AKAP19: variants seen among roughly 807,000 people sequenced by gnomAD.
AKAP19 encodes the protein A-kinase anchoring protein 19.
At chr2:190,003,960 C>G in the AKAP19 span, among the ~76,000 whole-genome samples, 1 of 152,020 alleles carries the variant, frequency 6.6e-6, no homozygotes, top group Non-Finnish European at 1.5e-5. Flanking sequence ...ATTCTTTCCC[C>G]AAATCTCTTT....
At chr2:190,195,227 G>A in the AKAP19 span, among the ~76,000 whole-genome samples, 7 of 152,150 alleles carry the variant, frequency 4.6e-5, no homozygotes, top group Non-Finnish European at 8.8e-5. Context: ...CATTCACCAA[G>A]AAGGACATCT....
the AKAP19 span, among the ~76,000 whole-genome samples, chr2:189,971,225 C>T: frequency 2.1e-3 from 321 of 152,180 alleles, 1 homozygote; most frequent in South Asian, 1.0e-2. Flanking sequence ...TGAGTGAGAA[C>T]ATGTGGTGTT....
the AKAP19 span, among the ~76,000 whole-genome samples, chr2:190,091,134 T>C: frequency 1.3e-5 from 2 of 152,230 alleles, no homozygotes; most frequent in South Asian, 2.1e-4. Flanking sequence ...GTTGACACTT[T>C]GCTTCATATT....
At chr2:189,997,264 A>G in the AKAP19 span, among the ~76,000 whole-genome samples, 1 of 152,306 alleles carries the variant, frequency 6.6e-6, no homozygotes, top group African/African-American at 2.4e-5. Context: ...CTGCAATATT[A>G]GAAGGGGAAT....
chr2:190,020,997 G>T, the AKAP19 span, among the ~76,000 whole-genome samples: 5 of 151,982 alleles, frequency 3.3e-5, no homozygotes, highest in Non-Finnish European at 5.9e-5. Flanking sequence ...TCCTTTATAG[G>T]ATGAATAATA....
the AKAP19 span, among the ~76,000 whole-genome samples, chr2:190,135,443 TG>T: frequency 6.6e-6 from 1 of 152,238 alleles, no homozygotes; most frequent in Admixed American, 6.5e-5. Context: ...TGAAAAACTC[TG>T]CTTTATGCAA....
the AKAP19 span, among the ~76,000 whole-genome samples, chr2:189,907,791 A>G: frequency 6.6e-6 from 1 of 152,118 alleles, no homozygotes; most frequent in African/African-American, 2.4e-5. Context: ...ACTTTAATAC[A>G]TTACAGTTAT....
the AKAP19 span, among the ~76,000 whole-genome samples, chr2:190,194,192 T>C: frequency 2.0e-5 from 3 of 152,190 alleles, no homozygotes; most frequent in African/African-American, 7.2e-5. Context: ...ATGTTCCATA[T>C]GCACTTGATA....
the AKAP19 span, among the ~76,000 whole-genome samples, chr2:190,114,147 A>G: frequency 3.3e-3 from 499 of 152,302 alleles, 5 homozygotes; most frequent in African/African-American, 0.011. Context: ...ACTGGTTCTT[A>G]TCATACTTTG....
At chr2:190,187,947 T>C in the AKAP19 span, among the ~76,000 whole-genome samples, 27 of 152,282 alleles carry the variant, frequency 1.8e-4, 1 homozygote, top group East Asian at 5.2e-3. Flanking sequence ...TTCCTGAGGA[T>C]AGTGTCAGGG....
the AKAP19 span, chr2:189,930,551 C>T: frequency 8.8e-6 from 2 of 227,982 alleles, no homozygotes; most frequent in East Asian, 1.3e-4. Context: ...TGGCGCGCCC[C>T]TGTAGTCCCA....
chr2:189,959,179 A>G, the AKAP19 span, among the ~76,000 whole-genome samples: 25 of 152,066 alleles, frequency 1.6e-4, no homozygotes. Context: ...AATAAAAATT[A>G]TAAAAATAAT....
the AKAP19 span, among the ~76,000 whole-genome samples, chr2:190,007,732 G>A: frequency 6.6e-6 from 1 of 152,166 alleles, no homozygotes; most frequent in Non-Finnish European, 1.5e-5. Flanking sequence ...AGGCTGAGGT[G>A]GGTGGATTGC....
the AKAP19 span, among the ~76,000 whole-genome samples, chr2:190,133,603 C>A: frequency 6.6e-6 from 1 of 152,056 alleles, no homozygotes; most frequent in Non-Finnish European, 1.5e-5. Context: ...TCACAATAAC[C>A]AAGATATGGA....
At chr2:190,072,271 G>A in the AKAP19 span, among the ~76,000 whole-genome samples, 203 of 152,234 alleles carry the variant, frequency 1.3e-3, 1 homozygote, top group African/African-American at 4.7e-3. Context: ...GAGGAAGCTA[G>A]GGGAAGGGAA....
the AKAP19 span, among the ~76,000 whole-genome samples, chr2:190,018,371 T>A: frequency 6.6e-6 from 1 of 152,176 alleles, no homozygotes; most frequent in African/African-American, 2.4e-5. Flanking sequence ...ATAGATGATT[T>A]ACAGTGTTCT....
At chr2:190,135,110 G>T in the AKAP19 span, among the ~76,000 whole-genome samples, 5 of 152,074 alleles carry the variant, frequency 3.3e-5, no homozygotes, top group African/African-American at 4.8e-5. Context: ...ATTACTAAAA[G>T]GTGAATTTGT....
At chr2:190,048,682 G>A in the AKAP19 span, among the ~76,000 whole-genome samples, 2 of 152,194 alleles carry the variant, frequency 1.3e-5, no homozygotes. Flanking sequence ...TAAGGCTGCA[G>A]TTCTCAACCC....
the AKAP19 span, among the ~76,000 whole-genome samples, chr2:190,168,427 TC>T: frequency 1.0e-5 from 1 of 97,796 alleles, no homozygotes; most frequent in East Asian, 2.9e-4. Context: ...CCCACCGCCC[TC>T]CCCACTCTGT....
Sources: allele counts gnomAD v4.1 joint callset (sites outside exome capture counted in the v4.1 genomes callset), GRCh38; gene constraint gnomAD v4.1.1; transcripts MANE v1.5; gene names NCBI Gene and HGNC (gene_info 2026-07-23, HGNC 2026-07-21).